Variants in NOS1AP observed in about 807,000 individuals in gnomAD.
The protein encoded by NOS1AP is carboxyl-terminal PDZ ligand of neuronal nitric oxide synthase protein.
In NOS1AP, 21 loss-of-function variants were observed where a neutral mutation model predicts 56.2. The ratio of observed to expected loss-of-function variants is 0.37; its 90% CI spans 0.26 to 0.54. NOS1AP has a LOEUF of 0.54. Ranked by LOEUF, NOS1AP falls within the 20% of genes least tolerant of loss-of-function variation. NOS1AP has a pLI of 0.84. For synonymous variants in NOS1AP, 270 were observed against 274.6 expected (o/e 0.98, Z 0.17); for missense variants, 522 against 657.8 (o/e 0.79, Z 2.26).
rs554119494 is a variant in NOS1AP, at chr1:162,159,735, G to A, written c.177+5259G>A. Among the ~76,000 whole-genome samples the A allele has an allele frequency of 5.9e-5, 9 of 152,326 alleles. 2 individuals carry two copies. Among genetic ancestry groups the A allele is most frequent in the African/African-American group, 2.2e-4 (9 of 41,558 alleles). ...AAACATTTGTTGAGTGACTGAGAAA[G>A]TTAATCTTACTTAATAACCACCTGA... On this transcript the variant is annotated intron_variant, in intron 2 of 9. Coordinates refer to ENST00000361897, the MANE Select transcript of NOS1AP (RefSeq NM_014697.3).
intron 2 of NOS1AP, among the ~76,000 whole-genome samples, chr1:162,194,422 C>T (rs994226634): frequency 1.3e-5 from 2 of 152,092 alleles, no homozygotes; most frequent in Non-Finnish European, 2.9e-5. Context: ...AAGTCCTCCC[C>T]GTATTTAAGT....
chr1:162,173,563 A>G (rs1366466851), intron 2 of NOS1AP, among the ~76,000 whole-genome samples: 1 of 152,248 alleles, frequency 6.6e-6, no homozygotes, highest in Non-Finnish European at 1.5e-5. Flanking sequence ...GCCAAAATTG[A>G]CAAATGGGAT....
chr1:162,090,453 T>A (rs1692106851), intron 1 of NOS1AP, among the ~76,000 whole-genome samples: 1 of 152,146 alleles, frequency 6.6e-6, no homozygotes. Context: ...CAATATGTTC[T>A]TTCAATATCA....
intron 1 of NOS1AP, among the ~76,000 whole-genome samples, chr1:162,124,543 A>G (rs1383242228): frequency 1.3e-5 from 2 of 149,636 alleles, no homozygotes; most frequent in Non-Finnish European, 3.0e-5. Context: ...TTTCTTTGAG[A>G]TGGAGTTTTG....
At chr1:162,076,559 T>G (rs1460338905) in intron 1 of NOS1AP, among the ~76,000 whole-genome samples, 3 of 152,186 alleles carry the variant, frequency 2.0e-5, no homozygotes. Flanking sequence ...TTAGAACATT[T>G]TCATCACATT....
At chr1:162,149,069 A>G (rs1376459412) in intron 1 of NOS1AP, among the ~76,000 whole-genome samples, 1 of 152,194 alleles carries the variant, frequency 6.6e-6, no homozygotes, top group Non-Finnish European at 1.5e-5. Flanking sequence ...ATGAGTTTCC[A>G]TTTTGAAATA....
intron 1 of NOS1AP, among the ~76,000 whole-genome samples, chr1:162,090,150 A>ACT (rs1558093820): frequency 6.7e-6 from 1 of 150,058 alleles, no homozygotes; most frequent in African/African-American, 2.4e-5. Flanking sequence ...ATATTCCCTG[A>ACT]TTTTTTTTTT....
At chr1:162,262,959 C>T (rs1299484107) in intron 2 of NOS1AP, among the ~76,000 whole-genome samples, 1 of 152,216 alleles carries the variant, frequency 6.6e-6, no homozygotes, top group Non-Finnish European at 1.5e-5. Context: ...TCTAACCCCA[C>T]CTTTCTGCCA....
chr1:162,187,687 A>G (rs1651487554), intron 2 of NOS1AP, among the ~76,000 whole-genome samples: 1 of 152,162 alleles, frequency 6.6e-6, no homozygotes, highest in Admixed American at 6.5e-5. Flanking sequence ...AAAACGGCTG[A>G]GTAGAAGATG....
Position 162,214,438 on chromosome 1 carries a change from C to T in NOS1AP, c.177+59962C>T, listed in dbSNP as rs571758238. On this transcript the variant is annotated intron_variant, in intron 2 of 9. Transcript: ENST00000361897. ...AAGGAAAGGGGGAAGTGAGTATGCA[C>T]GGTGGTAAAGGCTGTACACCCAGGA... 7.2e-5 allele frequency among the ~76,000 whole-genome samples: 11 copies of T among 152,172 alleles called. No individual in the cohort carries two copies. The South Asian group carries it at 1.5e-3, about 20-fold the overall frequency.
At chr1:162,325,884 A>C (rs1488373277) in intron 4 of NOS1AP, among the ~76,000 whole-genome samples, 1 of 151,452 alleles carries the variant, frequency 6.6e-6, no homozygotes, top group Non-Finnish European at 1.5e-5. Flanking sequence ...TCTCTATACC[A>C]CACACTGGAG....
At chr1:162,138,622 C>T (rs1649103737) in intron 1 of NOS1AP, among the ~76,000 whole-genome samples, 1 of 152,174 alleles carries the variant, frequency 6.6e-6, no homozygotes, top group Admixed American at 6.5e-5. Flanking sequence ...TCCTGTCTGC[C>T]TGGGGGCCAT....
At chr1:162,340,106 G>A (rs545065928) in intron 5 of NOS1AP, among the ~76,000 whole-genome samples, 7 of 152,170 alleles carry the variant, frequency 4.6e-5, no homozygotes, top group Non-Finnish European at 1.0e-4. Context: ...AACAGTTAGA[G>A]TAGCTTGATT....
At chr1:162,298,376 C>T (rs906509927) in intron 3 of NOS1AP, among the ~76,000 whole-genome samples, 4 of 152,212 alleles carry the variant, frequency 2.6e-5, no homozygotes, top group Non-Finnish European at 4.4e-5. Flanking sequence ...ATGTTGTCAG[C>T]GGATGCCATG....
intron 5 of NOS1AP, among the ~76,000 whole-genome samples, chr1:162,335,752 G>T (rs1158160615): frequency 6.6e-6 from 1 of 152,148 alleles, no homozygotes; most frequent in Non-Finnish European, 1.5e-5. Context: ...TTTGGTTATT[G>T]CTGTTTCATA....
chr1:162,239,375 G>A (rs1653411057), intron 2 of NOS1AP, among the ~76,000 whole-genome samples: 2 of 152,184 alleles, frequency 1.3e-5, no homozygotes, highest in South Asian at 2.1e-4. Context: ...AAATTCAGTG[G>A]ACTGCATCAA....
At position 162,188,945 on chromosome 1, in the gene NOS1AP, T is replaced by A. The variant is rs984247833; in HGVS notation, c.177+34469T>A. ...GGGCACAGTGGCCTGTAGTCCCAGC[T>A]ACACAGGAGGCTGAGGCAGGAGAAT... On this transcript the variant is annotated intron_variant, in intron 2 of 9. Transcript: ENST00000361897. The surrounding 1 kb of genome is among the most constrained non-coding windows in gnomAD (Gnocchi z 4.0). 3.3e-5 allele frequency among the ~76,000 whole-genome samples: 5 copies of A among 152,024 alleles called. No individual in the cohort carries two copies. Among genetic ancestry groups the A allele is most frequent in the Non-Finnish European group, 7.4e-5 (5 of 68,018 alleles).
rs145133177 is a variant in NOS1AP, at chr1:162,327,851, T to C, written c.345-5166T>C. On this transcript the variant is annotated intron_variant, in intron 4 of 9. Coordinates refer to ENST00000361897, the MANE Select transcript of NOS1AP (RefSeq NM_014697.3). ...AGATAGTCACTGGCAAGTTGGAATA[T>C]GTACGGAAAAAGTTAAGAGAAGATG... 1.9e-4 allele frequency among the ~76,000 whole-genome samples: 29 copies of C among 152,294 alleles called. No homozygotes were observed. The East Asian group carries it at 4.8e-3, about 25-fold the overall frequency.
chr1:162,347,503 A>G (rs939129606), intron 6 of NOS1AP, among the ~76,000 whole-genome samples: 2 of 152,206 alleles, frequency 1.3e-5, no homozygotes, highest in African/African-American at 4.8e-5. Flanking sequence ...ACTTAATCAG[A>G]ACCTGTCACT....
Sources: gnomAD v4.1 joint callset for allele counts (sites outside exome capture counted in the v4.1 genomes callset) on GRCh38, gnomAD v4.1.1 for gene constraint, Gnocchi (gnomAD v3.1) non-coding constraint, MANE v1.5 for transcripts, NCBI Gene and HGNC (gene_info 2026-07-23, HGNC 2026-07-21) for gene names.